The following NEK6 variants were observed in gnomAD, a reference collection of about 807,000 sequenced individuals.
NEK6 encodes serine/threonine-protein kinase Nek6.
NEK6 carries 27 observed loss-of-function variants against 43.5 expected under a neutral mutation model. The observed-to-expected ratio is 0.62, with a 90% CI of 0.46 to 0.86. The LOEUF (loss-of-function observed/expected upper bound fraction) is 0.86. Ranked by LOEUF, NEK6 falls within the 40% of genes least tolerant of loss-of-function variation. The pLI is 0.00. For missense variants in NEK6, 318 were observed against 414.4 expected (o/e 0.77, Z 2.02); for synonymous variants, 167 against 164.1 (o/e 1.02, Z -0.14).
rs969278167 is a variant in NEK6, at chr9:124,326,542, G to A, written c.514+104G>A. ...TCAGGGGCAGCCCCTTGAGGAAGTT[G>A]GACCGCTCTGTATTCCCCAGGCAAG... On this transcript the variant is annotated intron_variant, in intron 6 of 9. Coordinates refer to ENST00000320246, the MANE Select transcript of NEK6 (RefSeq NM_014397.6). This position sits in a 1 kb window ranked among gnomAD's most constrained non-coding sequence, Gnocchi z 4.5. The A allele has an allele frequency of 2.4e-6, 2 of 819,968 alleles. No homozygotes were observed. Among genetic ancestry groups the A allele is most frequent in the African/African-American group, 1.7e-5 (1 of 59,838 alleles). The allele number at this position is 819,968 out of a possible 1,614,324, so 50.8% of individuals were successfully genotyped here.
At chr9:124,348,451 A>G (rs1292962811) in intron 9 of NEK6, among the ~76,000 whole-genome samples, 1 of 152,190 alleles carries the variant, frequency 6.6e-6, no homozygotes, top group African/African-American at 2.4e-5. Context: ...CTTGGTGGAT[A>G]ATGGTGAGGA....
chr9:124,270,533 A>C lies in NEK6; in HGVS notation c.-30+12448A>C, dbSNP rs116501735. 3.4e-3 allele frequency among the ~76,000 whole-genome samples: 515 copies of C among 151,968 alleles called. 6 individuals carry two copies. Among genetic ancestry groups the C allele is most frequent in the African/African-American group, 0.012 (488 of 41,500 alleles). On this transcript the variant is annotated intron_variant, in intron 1 of 9. Coordinates refer to ENST00000320246, the MANE Select transcript of NEK6 (RefSeq NM_014397.6). ...TTGTTCAAAAAGCAGTAAAAAAAAAACACAAAAGTTTTTTCCTTTCCTTTG... is the reference window on the plus strand; with the variant it reads ...TTGTTCAAAAAGCAGTAAAAAAAAACCACAAAAGTTTTTTCCTTTCCTTTG...
rs186870507 is a variant in NEK6 at position 124,331,191 on chromosome 9, G to A, written c.622+3746G>A. On this transcript the variant is annotated intron_variant, in intron 7 of 9. Coordinates refer to ENST00000320246, the MANE Select transcript of NEK6 (RefSeq NM_014397.6). ...TGAGGCAGGAGAATTGCTTGAACCCGGCAGGTGAAGGTTGCAGTCAGCTGA... is the reference window on the plus strand; with the variant it reads ...TGAGGCAGGAGAATTGCTTGAACCCAGCAGGTGAAGGTTGCAGTCAGCTGA... 3.2e-3 allele frequency among the ~76,000 whole-genome samples: 480 copies of A among 150,752 alleles called. 3 individuals are homozygous for A. The highest frequency in any genetic ancestry group is 0.01 in the African/African-American group (416 of 41,020).
intron 1 of NEK6, among the ~76,000 whole-genome samples, chr9:124,277,590 C>G (rs1831698032): frequency 6.6e-6 from 1 of 152,222 alleles, no homozygotes; most frequent in Admixed American, 6.5e-5. Context: ...CAGGCCGATG[C>G]CTGCCGACTT....
rs894124159 is a variant in NEK6, at chr9:124,343,445, C to T, written c.717+3780C>T. Among the ~76,000 whole-genome samples, 3 of 152,112 alleles carry T rather than the reference C, an allele frequency of 2.0e-5. No individual in the cohort carries two copies. The highest frequency in any genetic ancestry group is 3.9e-4 in the East Asian group (2 of 5,170). On this transcript the variant is annotated intron_variant, in intron 8 of 9. Coordinates refer to ENST00000320246, the MANE Select transcript of NEK6 (RefSeq NM_014397.6). The surrounding 1 kb of genome is among the most constrained non-coding windows in gnomAD (Gnocchi z 5.1). ...GGCGCTGACCTAACCCTAGCAGCCC[C>T]GGCCTCACACAGCAGCAGGCTGCTG...
At chr9:124,312,180 G>A (rs1332609797) in intron 2 of NEK6, among the ~76,000 whole-genome samples, 5 of 152,240 alleles carry the variant, frequency 3.3e-5, no homozygotes, top group Non-Finnish European at 7.3e-5. Context: ...GACGGGCAAC[G>A]CCCGTGGTCC....
chr9:124,289,009 T>C, intron 1 of NEK6, among the ~76,000 whole-genome samples: 1 of 151,678 alleles, frequency 6.6e-6, no homozygotes, highest in East Asian at 1.9e-4. Context: ...AGAAAGAGGG[T>C]CTTGCTCTTT....
intron 1 of NEK6, among the ~76,000 whole-genome samples, chr9:124,300,796 G>GGC (rs751637192): frequency 1.1e-3 from 157 of 146,786 alleles, no homozygotes; most frequent in Middle Eastern, 3.5e-3. Context: ...GGCCACCGCA[G>GGC]GGGAGGGGGC....
intron 2 of NEK6, among the ~76,000 whole-genome samples, chr9:124,310,028 G>T (rs1833451394): frequency 6.6e-6 from 1 of 152,216 alleles, no homozygotes. Flanking sequence ...GGCTGGAGCA[G>T]GAAGTGGCAG....
intron 1 of NEK6, among the ~76,000 whole-genome samples, chr9:124,281,310 G>C (rs1831892893): frequency 6.6e-6 from 1 of 152,108 alleles, no homozygotes; most frequent in South Asian, 2.1e-4. Context: ...GGCCGGCCAT[G>C]CTTCTCCTCA....
At chr9:124,316,281 G>T (rs574569563) in intron 4 of NEK6, among the ~76,000 whole-genome samples, 1 of 152,388 alleles carries the variant, frequency 6.6e-6, no homozygotes, top group East Asian at 1.9e-4. Context: ...GGTGGGTCCT[G>T]TTGGAACGCA....
intron 1 of NEK6, among the ~76,000 whole-genome samples, chr9:124,273,056 C>T (rs1831512604): frequency 6.6e-6 from 1 of 152,182 alleles, no homozygotes; most frequent in Admixed American, 6.5e-5. Context: ...TAGAGACAGA[C>T]TGTTGGTGCT....
At chr9:124,329,451 T>G (rs1186999160) in intron 7 of NEK6, among the ~76,000 whole-genome samples, 1 of 152,214 alleles carries the variant, frequency 6.6e-6, no homozygotes, top group Non-Finnish European at 1.5e-5. Flanking sequence ...TTTTATTGAC[T>G]TGGACTGGTG....
At position 124,347,819 on chromosome 9, in the gene NEK6, G is replaced by T; in HGVS notation, c.828G>T (p.Glu276Asp). 1.2e-6 allele frequency: 2 copies of T among 1,607,070 alleles called. No individual in the cohort carries two copies. The highest frequency in any genetic ancestry group is 1.7e-6 in the Non-Finnish European group (2 of 1,174,646). Residue 276 changes from glutamate (E) to aspartate (D), a missense_variant, in exon 9 of 10, where the codon GAG becomes GAT. This residue lies in a region of NEK6 where 79 missense variants were observed against 70.0 expected (regional missense o/e 1.13). Transcript: ENST00000320246. ...YPPLPGEHYS[E>D]KLRELVSMCI... ...CACTCCCCGGGGAGCACTACTCCGAGAAGGTGAGTTTGCAGGAGCCGGAGG... is the reference window on the plus strand; with the variant it reads ...CACTCCCCGGGGAGCACTACTCCGATAAGGTGAGTTTGCAGGAGCCGGAGG...
intron 4 of NEK6, among the ~76,000 whole-genome samples, chr9:124,319,019 CTG>C (rs1391182088): frequency 1.3e-5 from 2 of 152,038 alleles, no homozygotes; most frequent in African/African-American, 2.4e-5. Flanking sequence ...GAATCTCACT[CTG>C]TCACCCAAAC....
At chr9:124,349,651 C>G (rs917283476) in intron 9 of NEK6, among the ~76,000 whole-genome samples, 5 of 152,258 alleles carry the variant, frequency 3.3e-5, no homozygotes, top group African/African-American at 1.2e-4. Context: ...CACTTATTGA[C>G]AACTGTGCGT....
At chr9:124,315,175 C>G (rs898966984) in intron 4 of NEK6, among the ~76,000 whole-genome samples, 1 of 152,240 alleles carries the variant, frequency 6.6e-6, no homozygotes, top group Non-Finnish European at 1.5e-5. Context: ...CAGGGTGATG[C>G]AGATTGACTG....
Position 124,326,232 on chromosome 9 carries a change from T to G in NEK6, c.406-98T>G. 5.8e-5 allele frequency: 11 copies of G among 189,694 alleles called. No individual in the cohort carries two copies. Among genetic ancestry groups the G allele is most frequent in the East Asian group, 2.3e-4 (3 of 13,004 alleles). The allele number at this position is 189,694 out of a possible 1,614,324, so 11.8% of individuals were successfully genotyped here. A position where few individuals can be genotyped will look rare whatever the true frequency, so the allele number is the denominator to read the frequency against. ...CCCCCCCGCCCCTGCCAGGCACCAG[T>G]TACCCACTGGGGAAAGGACAGAGGC... On this transcript the variant is annotated intron_variant, in intron 5 of 9. Coordinates refer to ENST00000320246, the MANE Select transcript of NEK6 (RefSeq NM_014397.6). This position sits in a 1 kb window ranked among gnomAD's most constrained non-coding sequence, Gnocchi z 4.5.
chr9:124,278,892 G>A (rs1287285450), intron 1 of NEK6, among the ~76,000 whole-genome samples: 3 of 152,168 alleles, frequency 2.0e-5, no homozygotes, highest in Non-Finnish European at 4.4e-5. Context: ...GGGAGGATCA[G>A]TGGAGACCAG....
Sources: allele counts gnomAD v4.1 joint callset (sites outside exome capture counted in the v4.1 genomes callset), GRCh38; gene constraint gnomAD v4.1.1; regional missense constraint gnomAD v4.1.1; non-coding constraint Gnocchi (gnomAD v3.1); transcripts MANE v1.5; gene names NCBI Gene and HGNC (gene_info 2026-07-23, HGNC 2026-07-21).